The following NUCB2 variants were observed in gnomAD, a reference collection of about 807,000 sequenced individuals.
The protein encoded by NUCB2 is nucleobindin-2.
In NUCB2, 48 loss-of-function variants were observed where a neutral mutation model predicts 57.9. That is an observed-to-expected ratio of 0.83 (90% CI 0.66 to 1.05). The LOEUF (loss-of-function observed/expected upper bound fraction) is 1.05. Among genes scored for constraint, NUCB2 ranks in the 50% least tolerant of loss-of-function variants. The pLI, the probability that NUCB2 is intolerant of heterozygous loss-of-function variation, is 0.00. For synonymous variants in NUCB2, 139 were observed against 152.1 expected, an observed-to-expected ratio of 0.91 and a Z score of 0.64; for missense variants, 442 against 476.2, an observed-to-expected ratio of 0.93 and a Z score of 0.67.
Position 17,282,948 on chromosome 11 carries a change from G to C in NUCB2, c.-1+5G>C, listed in dbSNP as rs994505410. On this transcript the variant is annotated splice_donor_5th_base_variant and intron_variant, in intron 2 of 13. Transcript: ENST00000529010. ...AAATTATTTACCTGCCTGAACGTAA[G>C]TACTCAATAATTGCATTTGGTTGCA... is the stretch of plus-strand genomic sequence containing the variant. 1 of 151,998 alleles carries C rather than the reference G, an allele frequency of 6.6e-6. No homozygotes were observed. Among genetic ancestry groups the C allele is most frequent in the African/African-American group, 2.4e-5 (1 of 41,392 alleles). The allele number at this position is 151,998 out of a possible 1,614,324, so 9.4% of individuals were successfully genotyped here. A position where few individuals can be genotyped will look rare whatever the true frequency, so the allele number is the denominator to read the frequency against.
chr11:17,306,645 G>A (rs913907932), intron 5 of NUCB2, among the ~76,000 whole-genome samples: 2 of 152,166 alleles, frequency 1.3e-5, no homozygotes, highest in Non-Finnish European at 2.9e-5. Context: ...GGCTGGGCGT[G>A]GTGGCTCACA....
rs1285668496 is a variant in NUCB2 at position 17,341,821 on chromosome 11, C to T, written n.2626+4287C>T. ...GCCAGGCTTTGCTATCAGGATGATG[C>T]TGGGCTCATAAAATGAGTTAGGGAG... On this transcript the variant is annotated intron_variant and non_coding_transcript_variant, in intron 2 of 2. Coordinates refer to the NUCB2 transcript ENST00000532240. Among the ~76,000 whole-genome samples, 5 of 152,296 alleles carry T rather than the reference C, an allele frequency of 3.3e-5. No homozygotes were observed. The South Asian group carries it at 1.0e-3, about 32-fold the overall frequency.
intron 2 of NUCB2, chr11:17,283,317 G>A (rs1241116398): frequency 6.6e-6 from 1 of 152,198 alleles, no homozygotes; most frequent in African/African-American, 2.4e-5. Context: ...CAAGGCTGAG[G>A]CTATAAGAAA....
At chr11:17,335,567 T>C (rs1274090973), downstream of NUCB2, among the ~76,000 whole-genome samples, 2 of 152,190 alleles carry the variant, frequency 1.3e-5, no homozygotes, top group Non-Finnish European at 2.9e-5. Context: ...AGTAGTGCGA[T>C]CTCGGCTCAC....
chr11:17,337,032 C>G (rs867461104), downstream of NUCB2, among the ~76,000 whole-genome samples: 1 of 151,934 alleles, frequency 6.6e-6, no homozygotes, highest in Admixed American at 6.6e-5. Flanking sequence ...TCTCGAACTT[C>G]TGGGCTCAAG....
chr11:17,328,837 CCTTTA>C (rs1951019764), intron 11 of NUCB2, among the ~76,000 whole-genome samples: 1 of 152,120 alleles, frequency 6.6e-6, no homozygotes, highest in Non-Finnish European at 1.5e-5. Context: ...ACAAAAATCG[CCTTTA>C]CTTTCCCTCT....
chr11:17,349,312 T>C (rs1410758016), intron 2 of NUCB2: 2 of 152,086 alleles, frequency 1.3e-5, no homozygotes, highest in Admixed American at 6.6e-5. Flanking sequence ...TAAATAAGAG[T>C]AGCTTACTGA....
At chr11:17,332,378 C>G (rs1305779927), downstream of NUCB2, 1 of 151,550 alleles carries the variant, frequency 6.6e-6, no homozygotes, top group Admixed American at 6.6e-5. Flanking sequence ...GGCAATGTGA[C>G]CAGCTAAAAG....
At chr11:17,301,274 T>C (rs1946696016) in intron 4 of NUCB2, among the ~76,000 whole-genome samples, 1 of 75,090 alleles carries the variant, frequency 1.3e-5, no homozygotes, top group Admixed American at 1.6e-4. Context: ...CGCCTGGCCT[T>C]TTTTTTTTTT....
At chr11:17,344,067 C>T (rs1416054039) in intron 2 of NUCB2, among the ~76,000 whole-genome samples, 1 of 152,134 alleles carries the variant, frequency 6.6e-6, no homozygotes, top group African/African-American at 2.4e-5. Flanking sequence ...GTTCTTGTAT[C>T]TCTGCAGGGG....
chr11:17,306,374 TC>T (rs896173434), intron 5 of NUCB2, among the ~76,000 whole-genome samples: 7 of 152,324 alleles, frequency 4.6e-5, no homozygotes, highest in African/African-American at 1.4e-4. Flanking sequence ...AGTATAATAA[TC>T]TACATTTTAA....
rs11024255 is a variant in NUCB2 at position 17,328,097 on chromosome 11, G to A, written c.1003-2030G>A. ...TTGGAAAGCTTTCCAGGTATTCCACGGGACTTGGGCCCAAAGTCCAGTAAT... is the reference window on the plus strand; with the variant it reads ...TTGGAAAGCTTTCCAGGTATTCCACAGGACTTGGGCCCAAAGTCCAGTAAT... On this transcript the variant is annotated intron_variant, in intron 11 of 13. Coordinates refer to ENST00000529010, the MANE Select transcript of NUCB2 (RefSeq NM_005013.4). 5.3e-3 allele frequency among the ~76,000 whole-genome samples: 800 copies of A among 152,258 alleles called. 44 individuals are homozygous for A. The East Asian group carries it at 0.13, about 25-fold the overall frequency.
At chr11:17,337,824 G>A (rs1171633239) in intron 2 of NUCB2, among the ~76,000 whole-genome samples, 6 of 151,922 alleles carry the variant, frequency 3.9e-5, no homozygotes, top group Non-Finnish European at 7.4e-5. Context: ...TAGTAGAGAC[G>A]GGGTTTCACT....
intron 2 of NUCB2, among the ~76,000 whole-genome samples, chr11:17,348,577 T>G (rs1278510176): frequency 6.6e-6 from 1 of 151,948 alleles, no homozygotes; most frequent in Non-Finnish European, 1.5e-5. Flanking sequence ...TGAGCTCAAG[T>G]GATCCTCCTG....
intron 2 of NUCB2, among the ~76,000 whole-genome samples, chr11:17,292,708 G>C (rs1945139887): frequency 6.6e-6 from 1 of 152,182 alleles, no homozygotes; most frequent in Admixed American, 6.5e-5. Flanking sequence ...TGAACTAGAA[G>C]TGATATGTCT....
At chr11:17,286,664 G>A (rs1324739929) in intron 2 of NUCB2, 2 of 152,176 alleles carry the variant, frequency 1.3e-5, no homozygotes, top group Non-Finnish European at 2.9e-5. Context: ...AGAAGAGGGT[G>A]ATAAAGGAAA....
chr11:17,298,700 C>CTT (rs1276181789), intron 4 of NUCB2, among the ~76,000 whole-genome samples: 1 of 145,494 alleles, frequency 6.9e-6, no homozygotes. Flanking sequence ...TTTCTCTTTC[C>CTT]TTTTTTTTTT....
At chr11:17,307,223 T>C (rs1182825120) in intron 5 of NUCB2, among the ~76,000 whole-genome samples, 1 of 147,526 alleles carries the variant, frequency 6.8e-6, no homozygotes, top group East Asian at 2.0e-4. Context: ...GGTTCAAATG[T>C]AGAAAATGTA....
intron 2 of NUCB2, chr11:17,291,375 T>A (rs1188825154): frequency 5.7e-6 from 1 of 176,652 alleles, no homozygotes; most frequent in African/African-American, 2.4e-5. Context: ...GGTAAAATCC[T>A]GTCTCTACTA....
Sources: gnomAD v4.1 joint callset for allele counts (sites outside exome capture counted in the v4.1 genomes callset) on GRCh38, gnomAD v4.1.1 for gene constraint, MANE v1.5 for transcripts, NCBI Gene and HGNC (gene_info 2026-07-23, HGNC 2026-07-21) for gene names.